The following CEP162 variants were observed in gnomAD, a reference collection of about 807,000 sequenced individuals.
CEP162 encodes centrosomal protein of 162 kDa.
In CEP162, 141 loss-of-function variants were observed where a neutral mutation model predicts 169.2. The ratio of observed to expected loss-of-function variants is 0.83; its 90% CI spans 0.73 to 0.96. The LOEUF (loss-of-function observed/expected upper bound fraction) is 0.96, where lower values mean the gene tolerates loss of function less well. Ranked by LOEUF, CEP162 falls within the 40% of genes least tolerant of loss-of-function variation. CEP162 has a pLI of 0.00. For missense variants in CEP162, 1,600 were observed against 1,587.2 expected, an observed-to-expected ratio of 1.01 and a Z score of -0.14; for synonymous variants, 540 against 526.4, an observed-to-expected ratio of 1.03 and a Z score of -0.35.
chr6:84,152,058 A>G (rs1206548347), intron 23 of CEP162, among the ~76,000 whole-genome samples: 1 of 152,192 alleles, frequency 6.6e-6, no homozygotes, highest in East Asian at 1.9e-4. Flanking sequence ...GGAGATAGTG[A>G]GAAGGAAATG....
At chr6:84,154,802 T>C (rs1377800374) in intron 22 of CEP162, among the ~76,000 whole-genome samples, 1 of 152,182 alleles carries the variant, frequency 6.6e-6, no homozygotes, top group Non-Finnish European at 1.5e-5. Context: ...ACTTGGTCTG[T>C]TCTAGCACTT....
intron 26 of CEP162, among the ~76,000 whole-genome samples, chr6:84,125,609 C>A (rs1182630471): frequency 6.6e-6 from 1 of 152,104 alleles, no homozygotes; most frequent in African/African-American, 2.4e-5. Context: ...ACTAGAGACA[C>A]CGAAGAGATC....
chr6:84,139,435 T>A (rs2099515573), intron 25 of CEP162, among the ~76,000 whole-genome samples: 1 of 152,220 alleles, frequency 6.6e-6, no homozygotes, highest in Non-Finnish European at 1.5e-5. Flanking sequence ...ATTAATAAAT[T>A]TGTTTTTCTC....
At chr6:84,139,226 G>A (rs545043644) in intron 25 of CEP162, among the ~76,000 whole-genome samples, 17 of 152,304 alleles carry the variant, frequency 1.1e-4, no homozygotes, top group Middle Eastern at 3.4e-3. Flanking sequence ...AGAGGAATCT[G>A]CAGTACTCCA....
At chr6:84,163,350 A>G (rs2099526509) in intron 18 of CEP162, 80 bp from the exon 19 acceptor site, 1 of 1,044,852 alleles carries the variant, frequency 9.6e-7, no homozygotes, top group Non-Finnish European at 1.4e-6. Context: ...ACAATCCATC[A>G]TGAACACTAC....
At chr6:84,224,130 A>G (rs114566030) in intron 2 of CEP162, among the ~76,000 whole-genome samples, 2 of 152,212 alleles carry the variant, frequency 1.3e-5, no homozygotes, top group African/African-American at 4.8e-5. Context: ...AAGTGGAAAG[A>G]ACCCAGATGT....
Position 84,148,199 on chromosome 6 carries a change from G to C in CEP162, c.3771+1363C>G, listed in dbSNP as rs74593498. ...ACTTTAAGTATTTTTCATTAACGTAGTCAAATAGTCCTTTTTTTTCTCAGC... is the reference window on the plus strand; with the variant it reads ...ACTTTAAGTATTTTTCATTAACGTACTCAAATAGTCCTTTTTTTTCTCAGC... On this transcript the variant is annotated intron_variant, in intron 24 of 26. Transcript: ENST00000403245. 9.0e-3 allele frequency among the ~76,000 whole-genome samples: 1,371 copies of C among 152,114 alleles called. 15 individuals are homozygous for C. Among genetic ancestry groups the C allele is most frequent in the South Asian group, 0.02 (96 of 4,822 alleles).
At chr6:84,214,662 T>A (rs568205257) in intron 5 of CEP162, among the ~76,000 whole-genome samples, 2 of 152,342 alleles carry the variant, frequency 1.3e-5, no homozygotes, top group South Asian at 4.1e-4. Flanking sequence ...ATTATACCTT[T>A]GTGATCTCAA....
chr6:84,188,316 T>A (rs1434800485), intron 11 of CEP162, among the ~76,000 whole-genome samples: 2 of 152,076 alleles, frequency 1.3e-5, no homozygotes, highest in Non-Finnish European at 1.5e-5. Flanking sequence ...GGATTTGGTG[T>A]TCAGACTATT....
chr6:84,161,510 T>G (rs1295362238), intron 20 of CEP162, among the ~76,000 whole-genome samples: 1 of 152,164 alleles, frequency 6.6e-6, no homozygotes, highest in Non-Finnish European at 1.5e-5. Context: ...CTGATGACAC[T>G]GAAGAGGCAG....
In CEP162 at chr6:84,126,408, T is replaced by C. The variant is rs140403863; in HGVS notation, c.3975A>G (p.Arg1325=). ...LEKKIKQMEM[R]HAQREQELQQ... is the part of the protein sequence containing the mutation. ...GAAGTTCCTGTTCTCTTTGTGCATG[T>C]CTCATTTCCATCTGCTTAATTTTCT... Residue 1325 remains arginine, a synonymous_variant, in exon 26 of 27, where the codon AGA becomes AGG. Transcript: ENST00000403245. 6.2e-6 allele frequency: 10 copies of C among 1,603,896 alleles called. No individual in the cohort carries two copies. Among genetic ancestry groups the C allele is most frequent in the Non-Finnish European group, 8.5e-6 (10 of 1,175,072 alleles).
At chr6:84,158,415 C>T (rs1362744837) in intron 21 of CEP162, among the ~76,000 whole-genome samples, 1 of 152,116 alleles carries the variant, frequency 6.6e-6, no homozygotes, top group African/African-American at 2.4e-5. Context: ...ATAGTGAGGG[C>T]TTGGTAAGTG....
At chr6:84,214,964 A>G (rs7751497) in intron 5 of CEP162, among the ~76,000 whole-genome samples, 9,076 of 152,174 alleles carry the variant, frequency 0.06, 889 homozygotes, top group African/African-American at 0.2. Flanking sequence ...TATAATGGTA[A>G]CCTGGACTCT....
At chr6:84,140,243 C>T (rs962663993) in intron 25 of CEP162, among the ~76,000 whole-genome samples, 4 of 152,034 alleles carry the variant, frequency 2.6e-5, no homozygotes, top group Admixed American at 6.6e-5. Context: ...CATTAGGAGC[C>T]TTTGGCGTTT....
At chr6:84,206,657 T>C (rs554854125) in intron 6 of CEP162, among the ~76,000 whole-genome samples, 21 of 152,266 alleles carry the variant, frequency 1.4e-4, no homozygotes, top group Non-Finnish European at 2.9e-4. Flanking sequence ...GACATAGGCA[T>C]GGGCAAGGAC....
In CEP162 at chr6:84,215,426, A is replaced by T; in HGVS notation, c.359T>A (p.Val120Glu). The change falls in exon 5 of 27, where the codon GTG becomes GAG. Residue 120 changes from valine (V) to glutamate (E), a missense_variant. Transcript: ENST00000403245. ...TTGTTCTTCTAATGTGTCCAATCCC[A>T]CTCCGAGACTACTATGGTTGAGCTC... ...VSELNHSSLGVGLDTLEEQEE... is the reference protein window; with the variant it reads ...VSELNHSSLGEGLDTLEEQEE... The T allele has an allele frequency of 6.2e-7, 1 of 1,605,688 alleles. No homozygotes were observed. The highest frequency in any genetic ancestry group is 1.1e-5 in the South Asian group (1 of 88,970).
intron 11 of CEP162, among the ~76,000 whole-genome samples, chr6:84,188,103 C>CAAAAAAAAAAGTGAGACTCCGTCTCA: frequency 1.2e-5 from 1 of 80,582 alleles, no homozygotes; most frequent in Non-Finnish European, 2.8e-5. Flanking sequence ...GACTCCGTCT[C>CAAAAAAAAAAGTGAGACTCCGTCTCA]AAAAAAAAAA....
chr6:84,194,854 T>G (rs746608847), intron 10 of CEP162, 30 bp downstream of exon 10: 2 of 1,452,948 alleles, frequency 1.4e-6, no homozygotes, highest in African/African-American at 1.4e-5. Context: ...GGATATCAAA[T>G]AATTGAAAAA....
intron 2 of CEP162, among the ~76,000 whole-genome samples, chr6:84,221,635 T>C (rs187784194): frequency 2.0e-5 from 3 of 152,256 alleles, no homozygotes; most frequent in South Asian, 4.1e-4. Flanking sequence ...TTTTCAGTGA[T>C]TGATAAACAC....
Sources: gnomAD v4.1 joint callset for allele counts (sites outside exome capture counted in the v4.1 genomes callset) on GRCh38, gnomAD v4.1.1 for gene constraint, MANE v1.5 for transcripts, NCBI Gene and HGNC (gene_info 2026-07-23, HGNC 2026-07-21) for gene names.